The following C6orf118 variants were observed in gnomAD, a reference collection of about 807,000 sequenced individuals.
The protein encoded by C6orf118 is chromosome 6 open reading frame 118, also known as uncharacterized protein C6orf118.
In C6orf118, 50 loss-of-function variants were observed where a neutral mutation model predicts 50.2. The observed-to-expected ratio is 1.00, with a 90% CI of 0.79 to 1.26. The LOEUF is 1.26. Ranked by LOEUF, C6orf118 falls within the 50% of genes most tolerant of loss-of-function variation. The probability of loss-of-function intolerance (pLI) is 0.00; values close to 1 mark genes in which losing one functional copy is unlikely to be tolerated. For missense variants in C6orf118, 641 were observed against 578.7 expected, an observed-to-expected ratio of 1.11 and a Z score of -1.10; for synonymous variants, 239 against 230.9, an observed-to-expected ratio of 1.03 and a Z score of -0.32.
chr6:165,309,301 G>T (rs112324018), intron 1 of C6orf118, among the ~76,000 whole-genome samples: 4,555 of 152,240 alleles, frequency 0.03, 225 homozygotes, highest in African/African-American at 0.1. Flanking sequence ...CGGCGCGTCC[G>T]TCCGCGCAGG....
At chr6:165,306,535 CAAAAAAAAAAAAAAAA>C (rs60755206) in intron 1 of C6orf118, among the ~76,000 whole-genome samples, 2 of 39,686 alleles carry the variant, frequency 5.0e-5, no homozygotes, top group African/African-American at 7.6e-5. Context: ...TAGGTGAATG[CAAAAAAAAAAAAAAAA>C]AAAAAAAAAA....
At chr6:165,293,147 C>G in intron 6 of C6orf118, 1 of 400,284 alleles carries the variant, frequency 2.5e-6, no homozygotes, top group South Asian at 5.0e-5. Flanking sequence ...ATAAAATATT[C>G]ATAAAATGCA....
rs376226266 is a variant in C6orf118 at position 165,302,108 on chromosome 6, G to T, written c.214C>A (p.Pro72Thr). Residue 72 changes from proline to threonine, a missense_variant, in exon 2 of 9, where the codon CCT (proline) becomes ACT (threonine). Physicochemically the swap from Pro to Thr is conservative, Grantham distance 38 (BLOSUM62 -1). Transcript: ENST00000230301. ...CAGTGCTGTAAGATCGTCTCCGGAG[G>T]CTGGTAGAGCTTGTTGGGGTTCAGG... ...GHLNPNKLYQ[P>T]PETILQHWPN... 47 of 1,614,064 alleles carry T rather than the reference G, an allele frequency of 2.9e-5. No individual in the cohort carries two copies. The African/African-American group carries it at 6.0e-4, about 21-fold the overall frequency.
intron 3 of C6orf118, 44 bp downstream of exon 3, chr6:165,300,320 A>G (rs772005295): frequency 6.2e-7 from 1 of 1,608,796 alleles, no homozygotes; most frequent in Non-Finnish European, 8.5e-7. Context: ...ACAGAACCTC[A>G]TGCAAGCTTC....
At chr6:165,297,904 G>T in intron 5 of C6orf118, 73 bp downstream of exon 5, 3 of 1,594,702 alleles carry the variant, frequency 1.9e-6, no homozygotes, top group South Asian at 2.2e-5. Context: ...GTAACCGTAG[G>T]CTTGTCACAG....
At chr6:165,286,685 C>G (rs559011266) in intron 7 of C6orf118, among the ~76,000 whole-genome samples, 28 of 152,204 alleles carry the variant, frequency 1.8e-4, no homozygotes, top group African/African-American at 6.7e-4. Flanking sequence ...ACATGATTAT[C>G]TGAACAGACA....
intron 7 of C6orf118, among the ~76,000 whole-genome samples, chr6:165,288,277 T>C (rs1195409742): frequency 6.6e-6 from 1 of 152,092 alleles, no homozygotes; most frequent in African/African-American, 2.4e-5. Flanking sequence ...AAAGTCAAGA[T>C]ACAACAGATG....
At chr6:165,295,713 G>A (rs1780269274) in intron 5 of C6orf118, among the ~76,000 whole-genome samples, 1 of 151,754 alleles carries the variant, frequency 6.6e-6, no homozygotes, top group Non-Finnish European at 1.5e-5. Context: ...TTGTTTAGAG[G>A]GGAAAAGGAC....
chr6:165,289,962 A>G lies in C6orf118; in HGVS notation c.1226T>C (p.Leu409Pro), dbSNP rs747900020. ...ILSKWDEIQALEKEIKTTLVH... is the reference protein window; with the variant it reads ...ILSKWDEIQAPEKEIKTTLVH... The stretch of plus-strand genomic sequence containing the variant: ...CAAAGTTGTTTTAATTTCTTTTTCC[A>G]GAGCTTGTATCTCATCCCACTTACT... Residue 409 changes from leucine (L) to proline (P), a missense_variant, in exon 7 of 9, where the codon CTG (leucine) becomes CCG (proline). Coordinates refer to ENST00000230301, the MANE Select transcript of C6orf118 (RefSeq NM_144980.4). The G allele has an allele frequency of 1.2e-6, 2 of 1,611,212 alleles. No individual in the cohort carries two copies. Among genetic ancestry groups the G allele is most frequent in the South Asian group, 1.1e-5 (1 of 90,662 alleles).
intron 1 of C6orf118, among the ~76,000 whole-genome samples, chr6:165,307,574 T>G (rs73788331): frequency 3.4e-4 from 51 of 152,156 alleles, no homozygotes; most frequent in African/African-American, 1.1e-3. Context: ...AAAAAATTTT[T>G]TTTAATCACT....
chr6:165,288,007 G>A (rs1779971104), intron 7 of C6orf118, among the ~76,000 whole-genome samples: 1 of 152,084 alleles, frequency 6.6e-6, no homozygotes, highest in Non-Finnish European at 1.5e-5. Flanking sequence ...ACACAGAATG[G>A]GGGAAAATTT....
Position 165,298,854 on chromosome 6 carries a change from ATCTT to A in C6orf118, c.936+585_936+588del, listed in dbSNP as rs1780409839. On this transcript the variant is annotated intron_variant, in intron 4 of 8. Coordinates refer to ENST00000230301, the MANE Select transcript of C6orf118 (RefSeq NM_144980.4). ...TTGCTCATGTATAAAAGAAGCAACT[ATCTT>A]TCCTAATTTATGAAGTAAAATTAAT... is the stretch of plus-strand genomic sequence containing the variant. Among the ~76,000 whole-genome samples the A allele has an allele frequency of 2.0e-5, 3 of 152,390 alleles. 1 individual carries two copies. In the Middle Eastern group the frequency reaches 0.01, roughly 518 times the overall value.
At chr6:165,300,272 T>C (rs927043118) in intron 3 of C6orf118, 92 bp downstream of exon 3, 3 of 1,479,008 alleles carry the variant, frequency 2.0e-6, no homozygotes, top group Admixed American at 1.8e-5. Flanking sequence ...CTGTGATACC[T>C]AGCAGAATTT....
chr6:165,295,624 T>C (rs1780264304), intron 5 of C6orf118, among the ~76,000 whole-genome samples: 1 of 147,686 alleles, frequency 6.8e-6, no homozygotes, highest in African/African-American at 2.6e-5. Flanking sequence ...TGTAGCAATT[T>C]ATACTATTTT....
intron 7 of C6orf118, among the ~76,000 whole-genome samples, chr6:165,282,997 A>G (rs1779779613): frequency 1.3e-5 from 2 of 152,208 alleles, no homozygotes; most frequent in Non-Finnish European, 2.9e-5. Context: ...TTTCTGAAAG[A>G]AATAAAGGAG....
At chr6:165,294,271 A>C (rs1780215108) in intron 5 of C6orf118, among the ~76,000 whole-genome samples, 1 of 148,230 alleles carries the variant, frequency 6.7e-6, no homozygotes, top group Admixed American at 6.7e-5. Flanking sequence ...AAAAAAACAA[A>C]AAAAAAAAAA....
intron 4 of C6orf118, 85 bp from the exon 5 acceptor site, chr6:165,298,186 T>C: frequency 6.8e-7 from 1 of 1,461,622 alleles, no homozygotes; most frequent in Non-Finnish European, 9.0e-7. Flanking sequence ...TAATGCGTTT[T>C]CAAGGTGCCC....
rs781088926 is a variant in C6orf118 at position 165,301,917 on chromosome 6, C to CT, written c.404dup (p.Ala136GlyfsTer100). On this transcript the variant is annotated frameshift_variant, in exon 2 of 9. Transcript: ENST00000230301. LOFTEE classifies it high-confidence loss of function. ...CCTCTGAAGTGTGGGAAAGAGAGGC[C>CT]TGGGGGTTCAGGTACCTGAACAGCG... The CT allele has an allele frequency of 1.9e-6, 3 of 1,613,832 alleles. No homozygotes were observed. The highest frequency in any genetic ancestry group is 1.1e-5 in the South Asian group (1 of 91,072).
At chr6:165,309,273 T>C (rs974177778) in intron 1 of C6orf118, among the ~76,000 whole-genome samples, 19 of 152,166 alleles carry the variant, frequency 1.2e-4, no homozygotes, top group Non-Finnish European at 2.6e-4. Flanking sequence ...TCTTCAGGCT[T>C]CCGGAGACTC....
Sources: gnomAD v4.1 joint callset for allele counts (sites outside exome capture counted in the v4.1 genomes callset) on GRCh38, gnomAD v4.1.1 for gene constraint, MANE v1.5 for transcripts, NCBI Gene and HGNC (gene_info 2026-07-23, HGNC 2026-07-21) for gene names.